The following AMPH variants were observed in gnomAD, a reference collection of about 807,000 sequenced individuals.
AMPH encodes the protein amphiphysin.
A neutral mutation model predicts 99.1 loss-of-function variants in AMPH; 49 were observed. That is an observed-to-expected ratio of 0.49 (90% CI 0.39 to 0.63). AMPH has a LOEUF of 0.63. Among genes scored for constraint, AMPH ranks in the 20% least tolerant of loss-of-function variants. AMPH has a pLI of 0.00. For synonymous variants in AMPH, 314 were observed against 317.3 expected, an observed-to-expected ratio of 0.99 and a Z score of 0.11; for missense variants, 759 against 863.4, an observed-to-expected ratio of 0.88 and a Z score of 1.52.
At chr7:38,441,869 CATATATATATCATATACAT>C (rs1562757851) in intron 11 of AMPH, among the ~76,000 whole-genome samples, 8 of 112,050 alleles carry the variant, frequency 7.1e-5, no homozygotes, top group African/African-American at 3.4e-4. Context: ...TCATATATAT[CATATATATATCATATACAT>C]ACACACACAC....
chr7:38,429,113 C>A (rs867265769), intron 14 of AMPH: 1 of 1,290,318 alleles, frequency 7.8e-7, no homozygotes. Context: ...GTTTCTCTTC[C>A]TCTTCATCTG....
chr7:38,548,949 T>C (rs1791087398), intron 1 of AMPH, among the ~76,000 whole-genome samples: 1 of 152,246 alleles, frequency 6.6e-6, no homozygotes, highest in Admixed American at 6.5e-5. Context: ...AGATGGATCC[T>C]CCATGTTGAA....
rs369105047 is a variant in AMPH, at chr7:38,436,262, C to A, written c.1134+10G>T. On this transcript the variant is annotated intron_variant, in intron 12 of 20. Transcript: ENST00000356264. ...GAAATATCTCCAAACATCCAAAAAG[C>A]ACCTGATACCTGAGACATGGGTGAG... is the stretch of plus-strand genomic sequence containing the variant. The A allele has an allele frequency of 5.0e-6, 8 of 1,605,216 alleles. No homozygotes were observed. Among genetic ancestry groups the A allele is most frequent in the Non-Finnish European group, 6.8e-6 (8 of 1,172,060 alleles).
chr7:38,406,290 C>T (rs1027652116), intron 17 of AMPH, among the ~76,000 whole-genome samples: 8 of 151,960 alleles, frequency 5.3e-5, no homozygotes, highest in African/African-American at 1.7e-4. Context: ...AACAATCTAA[C>T]GTCACACCTC....
intron 9 of AMPH, chr7:38,464,171 A>G (rs1787563331): frequency 1.8e-5 from 22 of 1,253,496 alleles, no homozygotes; most frequent in South Asian, 2.5e-5. Flanking sequence ...TCTTCACTGT[A>G]TCTCATTTGG....
chr7:38,561,400 TG>T (rs1791547637), intron 1 of AMPH, among the ~76,000 whole-genome samples: 1 of 152,212 alleles, frequency 6.6e-6, no homozygotes, highest in Admixed American at 6.5e-5. Context: ...ACCAGCACAA[TG>T]GGTCATGCAT....
Position 38,576,966 on chromosome 7 carries a change from A to G in AMPH, c.70-41955T>C, listed in dbSNP as rs557015418. Among the ~76,000 whole-genome samples the G allele has an allele frequency of 2.6e-5, 4 of 152,320 alleles. No individual in the cohort carries two copies. The East Asian group carries it at 5.8e-4, about 22-fold the overall frequency. ...AAATGAAATAATACATCTAGGGCTCATGATATGCTTTTGATAGCTAGTAGT... is the reference window on the plus strand; with the variant it reads ...AAATGAAATAATACATCTAGGGCTCGTGATATGCTTTTGATAGCTAGTAGT... On this transcript the variant is annotated intron_variant, in intron 1 of 20. Transcript: ENST00000356264.
At chr7:38,536,144 G>A (rs1457150495) in intron 1 of AMPH, among the ~76,000 whole-genome samples, 1 of 152,120 alleles carries the variant, frequency 6.6e-6, no homozygotes, top group Non-Finnish European at 1.5e-5. Context: ...GACAAGGCAG[G>A]TCCACAAATA....
chr7:38,427,718 G>C (rs1361235503), intron 14 of AMPH: 1 of 349,994 alleles, frequency 2.9e-6, no homozygotes, highest in African/African-American at 2.3e-5. Flanking sequence ...ATGACAATCT[G>C]TTAGAGAGAT....
At chr7:38,542,299 C>T (rs748719746) in intron 1 of AMPH, among the ~76,000 whole-genome samples, 2 of 152,276 alleles carry the variant, frequency 1.3e-5, no homozygotes, top group South Asian at 2.1e-4. Context: ...CCATGAGACT[C>T]GGATAAACAC....
intron 2 of AMPH, among the ~76,000 whole-genome samples, chr7:38,517,187 T>C (rs1260812803): frequency 6.6e-6 from 1 of 152,128 alleles, no homozygotes; most frequent in Admixed American, 6.5e-5. Flanking sequence ...GGACATGAGA[T>C]TTGGGAGGCC....
intron 13 of AMPH, among the ~76,000 whole-genome samples, chr7:38,430,484 A>G (rs1182500144): frequency 2.6e-5 from 4 of 152,216 alleles, no homozygotes; most frequent in Non-Finnish European, 5.9e-5. Flanking sequence ...TTGCATTTTG[A>G]TATCGCTACC....
intron 1 of AMPH, among the ~76,000 whole-genome samples, chr7:38,564,920 C>T (rs561501100): frequency 3.6e-4 from 54 of 152,078 alleles, no homozygotes; most frequent in Middle Eastern, 3.4e-3. Context: ...GTCAGGAGAT[C>T]GAGACCATCC....
At chr7:38,590,127 G>T (rs1037814392) in intron 1 of AMPH, among the ~76,000 whole-genome samples, 5 of 151,910 alleles carry the variant, frequency 3.3e-5, no homozygotes, top group African/African-American at 1.2e-4. Flanking sequence ...TGGCCTCACA[G>T]ATTCCAAGGA....
intron 2 of AMPH, among the ~76,000 whole-genome samples, chr7:38,530,200 G>A (rs1425665688): frequency 6.6e-6 from 1 of 152,186 alleles, no homozygotes; most frequent in Non-Finnish European, 1.5e-5. Context: ...CATAGAAGCA[G>A]CAAAACAGGA....
At chr7:38,616,581 A>G (rs932911293) in intron 1 of AMPH, among the ~76,000 whole-genome samples, 7 of 152,210 alleles carry the variant, frequency 4.6e-5, no homozygotes, top group African/African-American at 1.7e-4. Context: ...AATACTGGAA[A>G]CAGACAAAAT....
At chr7:38,560,445 G>C (rs1791514599) in intron 1 of AMPH, among the ~76,000 whole-genome samples, 1 of 152,184 alleles carries the variant, frequency 6.6e-6, no homozygotes, top group Non-Finnish European at 1.5e-5. Flanking sequence ...GGAATTGAGA[G>C]AAATGATAAA....
chr7:38,490,435 C>G (rs1788675951), intron 5 of AMPH, among the ~76,000 whole-genome samples: 1 of 152,124 alleles, frequency 6.6e-6, no homozygotes, highest in South Asian at 2.1e-4. Flanking sequence ...CTACAATATT[C>G]AATCCTTCAC....
chr7:38,554,086 G>T (rs1791279768), intron 1 of AMPH, among the ~76,000 whole-genome samples: 2 of 152,162 alleles, frequency 1.3e-5, no homozygotes, highest in Admixed American at 1.3e-4. Context: ...CAATTCCCCT[G>T]CCTGGCTGGG....
Sources: gnomAD v4.1 joint callset for allele counts (sites outside exome capture counted in the v4.1 genomes callset) on GRCh38, gnomAD v4.1.1 for gene constraint, MANE v1.5 for transcripts, NCBI Gene and HGNC (gene_info 2026-07-23, HGNC 2026-07-21) for gene names.